The following PPFIA1 variants were observed in gnomAD, a reference collection of about 807,000 sequenced individuals.
The protein encoded by PPFIA1 is liprin-alpha-1.
Under a neutral mutation model 149.9 loss-of-function variants are expected in PPFIA1, and 25 were observed. The observed-to-expected ratio is 0.17, with a 90% CI of 0.12 to 0.23. The LOEUF is 0.23. Among genes scored for constraint, PPFIA1 ranks in the 10% least tolerant of loss-of-function variants. The pLI, the probability that PPFIA1 is intolerant of heterozygous loss-of-function variation, is 1.00. For missense variants in PPFIA1, 1,362 were observed against 1,506.5 expected (o/e 0.90, Z 1.59); for synonymous variants, 549 against 552.8 (o/e 0.99, Z 0.10).
chr11:70,333,628 G>C, intron 10 of PPFIA1, 75 bp downstream of exon 10: 3 of 1,154,046 alleles, frequency 2.6e-6, no homozygotes, highest in Non-Finnish European at 3.8e-6. Context: ...GGGAGCTCAG[G>C]GCCTCCCACC....
intron 2 of PPFIA1, among the ~76,000 whole-genome samples, chr11:70,289,006 C>T (rs1284764966): frequency 3.6e-5 from 5 of 138,270 alleles, no homozygotes; most frequent in South Asian, 2.4e-4. Flanking sequence ...CTTGCTCTGT[C>T]GCCCAGGCTG....
intron 19 of PPFIA1, among the ~76,000 whole-genome samples, chr11:70,359,307 C>T (rs1197728915): frequency 6.6e-6 from 1 of 152,218 alleles, no homozygotes; most frequent in Non-Finnish European, 1.5e-5. Flanking sequence ...AGCCACCACA[C>T]CTGGCCCAAG....
intron 2 of PPFIA1, among the ~76,000 whole-genome samples, chr11:70,301,008 T>A (rs1364187021): frequency 6.6e-6 from 1 of 152,208 alleles, no homozygotes; most frequent in African/African-American, 2.4e-5. Context: ...CCTTCATTTT[T>A]ACTAACTGCT....
intron 17 of PPFIA1, among the ~76,000 whole-genome samples, chr11:70,355,400 C>T (rs2056305243): frequency 6.6e-6 from 1 of 152,106 alleles, no homozygotes. Flanking sequence ...CACCTGATGG[C>T]GCGGAGTCAG....
At chr11:70,312,639 G>A (rs1372764907) in intron 2 of PPFIA1, among the ~76,000 whole-genome samples, 3 of 152,164 alleles carry the variant, frequency 2.0e-5, no homozygotes. Context: ...TGCCTGTGCC[G>A]CCTCAACATC....
At chr11:70,288,924 T>A (rs1182847606) in intron 2 of PPFIA1, among the ~76,000 whole-genome samples, 1 of 151,498 alleles carries the variant, frequency 6.6e-6, no homozygotes, top group Non-Finnish European at 1.5e-5. Context: ...AAATCAGCAT[T>A]TGGGGCTGGG....
intron 21 of PPFIA1, among the ~76,000 whole-genome samples, chr11:70,369,161 CT>C (rs1306773463): frequency 1.3e-5 from 2 of 152,132 alleles, no homozygotes; most frequent in Admixed American, 1.3e-4. Context: ...AGTTGAGGCA[CT>C]TTTCTTACAT....
intron 14 of PPFIA1, among the ~76,000 whole-genome samples, chr11:70,339,773 G>A (rs1001109165): frequency 5.9e-5 from 9 of 152,260 alleles, no homozygotes; most frequent in Admixed American, 6.5e-5. Flanking sequence ...CCAGAACTTT[G>A]GGAGGCCAAG....
At chr11:70,338,254 G>T (rs2055101102) in intron 12 of PPFIA1, 120 bp from the exon 13 acceptor site, 1 of 757,868 alleles carries the variant, frequency 1.3e-6, no homozygotes, top group Non-Finnish European at 2.2e-6. Context: ...AAAATGTTTG[G>T]TATTTGTAAC....
rs1020209952 is a variant in PPFIA1, at chr11:70,270,739, G to A, written c.-176G>A. 4 of 150,664 alleles carry A rather than the reference G, an allele frequency of 2.7e-5. No individual in the cohort carries two copies. The highest frequency in any genetic ancestry group is 4.9e-5 in the African/African-American group (2 of 41,178). The allele number at this position is 150,664 out of a possible 1,614,324, so 9.3% of individuals were successfully genotyped here. The stretch of plus-strand genomic sequence containing the variant: ...CCCGCTCCTCCTCCGCTCCGCCAGT[G>A]TCCGGCCGCGGGCCGGCCTTAGTGA... On this transcript the variant is annotated 5_prime_UTR_variant, in exon 1 of 28. Transcript: ENST00000253925.
intron 21 of PPFIA1, chr11:70,365,415 C>T (rs996965143): frequency 2.2e-6 from 1 of 456,508 alleles, no homozygotes; most frequent in African/African-American, 2.0e-5. Context: ...GATGGAAACG[C>T]TCGCAGCCAC....
chr11:70,290,877 G>A lies in PPFIA1; in HGVS notation c.264+18441G>A, dbSNP rs898031715. ...TTGAGATGAATCAGTGTTTCTGAGCGATTGATCTCTTGAAATCTCTTTTTT... is the reference window on the plus strand; with the variant it reads ...TTGAGATGAATCAGTGTTTCTGAGCAATTGATCTCTTGAAATCTCTTTTTT... On this transcript the variant is annotated intron_variant, in intron 2 of 27. Coordinates refer to ENST00000253925, the MANE Select transcript of PPFIA1 (RefSeq NM_003626.5). Among the ~76,000 whole-genome samples, 5 of 152,226 alleles carry A rather than the reference G, an allele frequency of 3.3e-5. No individual in the cohort carries two copies. The South Asian group carries it at 6.2e-4, about 19-fold the overall frequency.
intron 23 of PPFIA1, chr11:70,373,303 C>T (rs940756766): frequency 2.6e-5 from 4 of 152,422 alleles, no homozygotes; most frequent in African/African-American, 9.7e-5. Flanking sequence ...TCACAGCTCA[C>T]TACAGCCTTG....
intron 19 of PPFIA1, among the ~76,000 whole-genome samples, chr11:70,356,503 G>T (rs2056370360): frequency 6.6e-6 from 1 of 152,188 alleles, no homozygotes; most frequent in Non-Finnish European, 1.5e-5. Context: ...GTGAGAGTTG[G>T]ACTCAGCTGC....
chr11:70,324,375 A>G (rs374852613), intron 2 of PPFIA1, 27 bp from the exon 3 acceptor site: 6 of 1,540,284 alleles, frequency 3.9e-6, no homozygotes, highest in African/African-American at 2.8e-5. Context: ...TTTCTTATTT[A>G]TTTAATTTTG....
chr11:70,309,765 A>G (rs971749284), intron 2 of PPFIA1, among the ~76,000 whole-genome samples: 4 of 152,234 alleles, frequency 2.6e-5, no homozygotes, highest in Non-Finnish European at 5.9e-5. Flanking sequence ...CACATAGTGT[A>G]TGATTCCATT....
At chr11:70,382,904 A>G (rs1394019460) in intron 27 of PPFIA1, 99 bp from the exon 28 acceptor site, 3 of 341,182 alleles carry the variant, frequency 8.8e-6, no homozygotes, top group Non-Finnish European at 1.6e-5. Context: ...GGGAGGGGTC[A>G]GTGTCGGGGG....
chr11:70,320,578 A>G (rs1253909640), intron 2 of PPFIA1, among the ~76,000 whole-genome samples: 3 of 151,420 alleles, frequency 2.0e-5, no homozygotes, highest in Non-Finnish European at 4.4e-5. Flanking sequence ...GGGTCTACGC[A>G]TGGTGTGTGC....
chr11:70,306,666 A>G (rs1022975043), intron 2 of PPFIA1, among the ~76,000 whole-genome samples: 2 of 152,246 alleles, frequency 1.3e-5, no homozygotes, highest in African/African-American at 4.8e-5. Flanking sequence ...GTCAGAAGCT[A>G]TTACAAAGAA....
Sources: gnomAD v4.1 joint callset for allele counts (sites outside exome capture counted in the v4.1 genomes callset) on GRCh38, gnomAD v4.1.1 for gene constraint, MANE v1.5 for transcripts, NCBI Gene and HGNC (gene_info 2026-07-23, HGNC 2026-07-21) for gene names.